ADAMTSL1: variants seen among roughly 807,000 people sequenced by gnomAD.
The protein encoded by ADAMTSL1 is ADAMTS like 1.
Under a neutral mutation model 201.8 loss-of-function variants are expected in ADAMTSL1, and 126 were observed. The observed-to-expected ratio is 0.62, with a 90% CI of 0.54 to 0.72. The LOEUF (loss-of-function observed/expected upper bound fraction) is 0.72. ADAMTSL1 is among the 30% of genes least tolerant of loss of function. ADAMTSL1 has a pLI of 0.00. For synonymous variants in ADAMTSL1, 1,121 were observed against 903.4 expected (o/e 1.24, Z -4.32); for missense variants, 2,679 against 2,277.8 (o/e 1.18, Z -3.59).
chr9:18,650,223 C>A lies in ADAMTSL1; in HGVS notation c.835-7416C>A, dbSNP rs533951909. ...GTGCGGGATATAATCTCCTGGTGTG[C>A]CGTTTCCTAAGCCCATCGGAAAAGT... On this transcript the variant is annotated intron_variant, in intron 7 of 28. Transcript: ENST00000380548. 6.8e-4 allele frequency among the ~76,000 whole-genome samples: 104 copies of A among 152,306 alleles called. 1 individual carries two copies. Among genetic ancestry groups the A allele is most frequent in the South Asian group, 4.6e-3 (22 of 4,822 alleles).
intron 2 of ADAMTSL1, among the ~76,000 whole-genome samples, chr9:18,465,811 C>T (rs1224896930): frequency 2.0e-5 from 3 of 152,256 alleles, no homozygotes; most frequent in Admixed American, 6.5e-5. Context: ...TGCAGTGGCA[C>T]GATCTTGGCT....
chr9:18,587,987 C>G (rs1453623656), intron 4 of ADAMTSL1, among the ~76,000 whole-genome samples: 2 of 152,118 alleles, frequency 1.3e-5, no homozygotes, highest in Non-Finnish European at 2.9e-5. Context: ...GGATATATAA[C>G]CAGTAGTGAG....
At chr9:18,032,339 G>A (rs1820996319) in intron 1 of ADAMTSL1, among the ~76,000 whole-genome samples, 1 of 152,176 alleles carries the variant, frequency 6.6e-6, no homozygotes, top group Non-Finnish European at 1.5e-5. Context: ...CTAGAAAGTT[G>A]GGACTTAGCC....
At chr9:18,024,308 G>C (rs1820602574) in intron 1 of ADAMTSL1, among the ~76,000 whole-genome samples, 1 of 151,802 alleles carries the variant, frequency 6.6e-6, no homozygotes, top group African/African-American at 2.4e-5. Context: ...CTGTGGTTTT[G>C]CTAAATGGTA....
Position 18,777,924 on chromosome 9 carries a change from C to G in ADAMTSL1, c.3677+18C>G. ...AGTGACAGGTGAGCCTTGTAGCTAA[C>G]CTGGTCTTGGGAGGGAGGCAAGGGG... On this transcript the variant is annotated intron_variant, in intron 19 of 28. Transcript: ENST00000380548. 1 of 1,523,942 alleles carries G rather than the reference C, an allele frequency of 6.6e-7. No homozygotes were observed. The highest frequency in any genetic ancestry group is 8.8e-7 in the Non-Finnish European group (1 of 1,133,884). The allele number at this position is 1,523,942 out of a possible 1,614,324, so 94.4% of individuals were successfully genotyped here. A position where few individuals can be genotyped will look rare whatever the true frequency, so the allele number is the denominator to read the frequency against.
intron 13 of ADAMTSL1, among the ~76,000 whole-genome samples, chr9:18,688,260 A>G (rs527533283): frequency 6.6e-6 from 1 of 151,810 alleles, no homozygotes; most frequent in African/African-American, 2.4e-5. Context: ...CATAGCTGGG[A>G]TTACAGGTGC....
intron 2 of ADAMTSL1, among the ~76,000 whole-genome samples, chr9:18,201,244 A>G (rs17777155): frequency 0.068 from 10,345 of 152,112 alleles, 474 homozygotes; most frequent in Non-Finnish European, 0.1. Context: ...TGTTAAGGAA[A>G]TGTTTGCCTG....
intron 12 of ADAMTSL1, among the ~76,000 whole-genome samples, chr9:18,684,018 C>G (rs1276906557): frequency 6.6e-6 from 1 of 152,178 alleles, no homozygotes; most frequent in Non-Finnish European, 1.5e-5. Flanking sequence ...GCAGTTACTT[C>G]TGTAAGAGCC....
In ADAMTSL1 at chr9:18,318,414, C is replaced by G. The variant is rs556971049; in HGVS notation, c.207+154433C>G. On this transcript the variant is annotated intron_variant, in intron 2 of 29. Transcript: ENST00000680146. ...GAAATGTAAATTCCTGGGTGCCACA[C>G]CAGACCCACTGAATCAAAAACTCAA... Among the ~76,000 whole-genome samples the G allele has an allele frequency of 2.0e-4, 30 of 152,266 alleles. No individual in the cohort carries two copies. In the South Asian group the frequency reaches 5.0e-3, roughly 25 times the overall value.
chr9:18,568,967 T>A (rs1411820713), intron 3 of ADAMTSL1, among the ~76,000 whole-genome samples: 4 of 152,208 alleles, frequency 2.6e-5, no homozygotes, highest in African/African-American at 9.6e-5. Flanking sequence ...TTAAAAAGAA[T>A]GAAAATAAAG....
At chr9:18,322,851 A>G (rs962949003) in intron 2 of ADAMTSL1, among the ~76,000 whole-genome samples, 1 of 152,214 alleles carries the variant, frequency 6.6e-6, no homozygotes, top group Non-Finnish European at 1.5e-5. Flanking sequence ...ATGCAACTTT[A>G]AAATGTTACA....
intron 2 of ADAMTSL1, among the ~76,000 whole-genome samples, chr9:18,241,034 C>G (rs1181973645): frequency 2.6e-5 from 4 of 152,190 alleles, no homozygotes; most frequent in African/African-American, 9.6e-5. Context: ...CTCCAGACCA[C>G]TAAAACTTTC....
chr9:18,831,679 T>C (rs545344781), intron 23 of ADAMTSL1, among the ~76,000 whole-genome samples: 6 of 152,348 alleles, frequency 3.9e-5, no homozygotes, highest in Non-Finnish European at 8.8e-5. Context: ...AGAGACACCT[T>C]AAATTCCCAG....
At chr9:18,385,969 T>G (rs996205496) in intron 2 of ADAMTSL1, among the ~76,000 whole-genome samples, 1 of 152,220 alleles carries the variant, frequency 6.6e-6, no homozygotes, top group South Asian at 2.1e-4. Context: ...CAAGCTCAGA[T>G]GATAGTAATA....
chr9:18,126,421 G>T (rs748405539), intron 1 of ADAMTSL1, among the ~76,000 whole-genome samples: 1 of 151,910 alleles, frequency 6.6e-6, no homozygotes, highest in Non-Finnish European at 1.5e-5. Context: ...TTCTATTTAG[G>T]GTCCAATACC....
chr9:18,903,092 C>T (rs914958299), intron 26 of ADAMTSL1, among the ~76,000 whole-genome samples: 6 of 152,082 alleles, frequency 3.9e-5, no homozygotes, highest in Admixed American at 3.9e-4. Context: ...GTAGTCCCAG[C>T]TACTTGGGAT....
At chr9:18,668,757 G>A (rs150071353) in intron 9 of ADAMTSL1, among the ~76,000 whole-genome samples, 2 of 152,190 alleles carry the variant, frequency 1.3e-5, no homozygotes, top group Non-Finnish European at 2.9e-5. Context: ...TTGAGAAACA[G>A]ACTGGTAAAA....
At chr9:18,413,461 G>A (rs565378601) in intron 2 of ADAMTSL1, among the ~76,000 whole-genome samples, 6 of 152,190 alleles carry the variant, frequency 3.9e-5, no homozygotes, top group East Asian at 1.9e-4. Flanking sequence ...CACCATGCCC[G>A]GCCAGGATAA....
At chr9:18,527,730 A>G (rs956217418) in intron 2 of ADAMTSL1, among the ~76,000 whole-genome samples, 1 of 152,210 alleles carries the variant, frequency 6.6e-6, no homozygotes, top group Non-Finnish European at 1.5e-5. Flanking sequence ...TAAAGACTGA[A>G]TAATTCACAC....
Sources: allele counts gnomAD v4.1 joint callset (sites outside exome capture counted in the v4.1 genomes callset), GRCh38; gene constraint gnomAD v4.1.1; transcripts MANE v1.5; gene names NCBI Gene and HGNC (gene_info 2026-07-23, HGNC 2026-07-21).